Variants in RNF169 observed in about 807,000 individuals in gnomAD.
RNF169 encodes the protein ring finger protein 169.
A neutral mutation model predicts 53.9 loss-of-function variants in RNF169; 24 were observed. That is an observed-to-expected ratio of 0.45 (90% confidence interval 0.32 to 0.63). The LOEUF (loss-of-function observed/expected upper bound fraction) is 0.63. Ranked by LOEUF, RNF169 falls within the 20% of genes least tolerant of loss-of-function variation. The probability of loss-of-function intolerance (pLI) is 0.04; values close to 1 mark genes in which losing one functional copy is unlikely to be tolerated. For synonymous variants in RNF169, 396 were observed against 363.5 expected, an observed-to-expected ratio of 1.09 and a Z score of -1.02; for missense variants, 883 against 906.2, an observed-to-expected ratio of 0.97 and a Z score of 0.33.
At chr11:74,801,301 A>G (rs564689667) in intron 2 of RNF169, among the ~76,000 whole-genome samples, 1 of 152,212 alleles carries the variant, frequency 6.6e-6, no homozygotes, top group Non-Finnish European at 1.5e-5. Flanking sequence ...AGGAGCTAAG[A>G]GTAGTCCTTT....
At chr11:74,820,292 C>A (rs912544264) in intron 4 of RNF169, among the ~76,000 whole-genome samples, 6 of 152,170 alleles carry the variant, frequency 3.9e-5, no homozygotes, top group Non-Finnish European at 8.8e-5. Context: ...GGCTCTCCTT[C>A]AGTCTCATCT....
intron 2 of RNF169, among the ~76,000 whole-genome samples, chr11:74,797,275 GTAAAA>G (rs2035662778): frequency 6.6e-6 from 1 of 152,158 alleles, no homozygotes; most frequent in African/African-American, 2.4e-5. Context: ...GCCTTGAACT[GTAAAA>G]TATTAATATA....
Position 74,749,164 on chromosome 11 carries a change from CCGCCGACGCGG to C in RNF169, c.287_297del (p.Ala96GlyfsTer86). ...CTTTGCCGAGGCTGCGCCCAACGCG[CCGCCGACGCGG>C]CGGGCCCGGGTTGCCCTCGCTGCCG... On this transcript the variant is annotated frameshift_variant, in exon 1 of 6. Transcript: ENST00000299563. LOFTEE classifies it high-confidence loss of function. 1 of 1,246,784 alleles carries C rather than the reference CCGCCGACGCGG, an allele frequency of 8.0e-7. No homozygotes were observed. The highest frequency in any genetic ancestry group is 1.0e-6 in the Non-Finnish European group (1 of 997,356). 77.2% of individuals were successfully genotyped at this position (1,246,784 alleles called of 1,614,324 possible). A position where few individuals can be genotyped will look rare whatever the true frequency, so the allele number is the denominator to read the frequency against.
intron 2 of RNF169, among the ~76,000 whole-genome samples, chr11:74,798,712 G>A (rs999084786): frequency 6.6e-6 from 1 of 151,960 alleles, no homozygotes. Flanking sequence ...TGCGGCTTGG[G>A]CATCACGGAA....
At chr11:74,828,950 G>A (rs1352540138) in intron 4 of RNF169, among the ~76,000 whole-genome samples, 3 of 152,108 alleles carry the variant, frequency 2.0e-5, no homozygotes, top group Admixed American at 6.5e-5. Context: ...ATTTCATGAC[G>A]AAGATGTCAA....
intron 1 of RNF169, 137 bp downstream of exon 1, chr11:74,749,519 T>G: frequency 4.3e-6 from 3 of 690,060 alleles, no homozygotes; most frequent in Non-Finnish European, 5.7e-6. Flanking sequence ...ACCCGGGCTC[T>G]ACCCAGGTGC....
At chr11:74,793,386 A>C (rs2035605947) in intron 2 of RNF169, among the ~76,000 whole-genome samples, 1 of 152,254 alleles carries the variant, frequency 6.6e-6, no homozygotes, top group Admixed American at 6.5e-5. Context: ...GATGTGTGAT[A>C]TGCTACTAAT....
At chr11:74,806,249 A>G (rs1241686905) in intron 2 of RNF169, among the ~76,000 whole-genome samples, 2 of 152,226 alleles carry the variant, frequency 1.3e-5, no homozygotes, top group African/African-American at 2.4e-5. Context: ...TAGCTGTTGT[A>G]CATCTTTAGT....
chr11:74,750,426 A>G (rs1212217229), intron 1 of RNF169, among the ~76,000 whole-genome samples: 1 of 152,072 alleles, frequency 6.6e-6, no homozygotes, highest in Non-Finnish European at 1.5e-5. Context: ...TTGCTTGTGT[A>G]TACAAGTGCA....
intron 1 of RNF169, among the ~76,000 whole-genome samples, chr11:74,780,562 G>A (rs904711874): frequency 9.2e-5 from 14 of 152,116 alleles, no homozygotes; most frequent in African/African-American, 3.1e-4. Context: ...ATTTACTTAT[G>A]TATGCACGCT....
At chr11:74,758,795 C>T (rs546695694) in intron 1 of RNF169, among the ~76,000 whole-genome samples, 61 of 152,266 alleles carry the variant, frequency 4.0e-4, no homozygotes, top group African/African-American at 1.2e-3. Flanking sequence ...TGAGCCACCG[C>T]GCCCGGCCGT....
intron 2 of RNF169, among the ~76,000 whole-genome samples, chr11:74,791,462 G>A (rs1364510836): frequency 1.3e-5 from 2 of 152,320 alleles, no homozygotes; most frequent in East Asian, 3.9e-4. Context: ...CCCGGGCTGT[G>A]CCATGGGGCA....
In RNF169 at chr11:74,796,485, TA is replaced by T. The variant is rs547654717; in HGVS notation, c.576+6792del. On this transcript the variant is annotated intron_variant, in intron 2 of 5. Coordinates refer to ENST00000299563, the MANE Select transcript of RNF169 (RefSeq NM_001098638.2). ...TTGTCTTTTGAAATAGATTTATCTC[TA>T]AAAAATGTTATTTATTGGTTGAATT... Among the ~76,000 whole-genome samples, 10 of 152,358 alleles carry T rather than the reference TA, an allele frequency of 6.6e-5. No homozygotes were observed. In the East Asian group the frequency reaches 1.3e-3, roughly 21 times the overall value.
chr11:74,771,477 G>T (rs561095944), intron 1 of RNF169, among the ~76,000 whole-genome samples: 1 of 152,184 alleles, frequency 6.6e-6, no homozygotes, highest in Admixed American at 6.5e-5. Context: ...GCTGAGGTGG[G>T]ATGATCACTT....
chr11:74,807,634 T>A (rs1313680917), intron 2 of RNF169: 1 of 152,230 alleles, frequency 6.6e-6, no homozygotes, highest in East Asian at 1.9e-4. Flanking sequence ...TTTTTGTCTC[T>A]ATAAAATAGT....
chr11:74,841,773 T>C lies in RNF169; in HGVS notation c.*5043T>C, dbSNP rs1446994486. On this transcript the variant is annotated 3_prime_UTR_variant, in exon 6 of 6. Transcript: ENST00000299563. The stretch of plus-strand genomic sequence containing the variant: ...ACAGGCAATGAACTCGCTCTTCAAA[T>C]ACCATAGTTCAAGAGTAGCTGTTGG... The C allele has an allele frequency of 6.6e-6, 1 of 152,200 alleles. No individual in the cohort carries two copies. Among genetic ancestry groups the C allele is most frequent in the Non-Finnish European group, 1.5e-5 (1 of 68,038 alleles). The allele number at this position is 152,200 out of a possible 1,614,324, so 9.4% of individuals were successfully genotyped here.
At chr11:74,758,816 T>G (rs2035028855) in intron 1 of RNF169, among the ~76,000 whole-genome samples, 1 of 151,930 alleles carries the variant, frequency 6.6e-6, no homozygotes, top group Non-Finnish European at 1.5e-5. Context: ...CCATATGAAC[T>G]TTAAAGTAGT....
chr11:74,833,242 G>A (rs1305441712), intron 4 of RNF169, among the ~76,000 whole-genome samples: 3 of 152,124 alleles, frequency 2.0e-5, no homozygotes, highest in African/African-American at 7.2e-5. Flanking sequence ...AGGCACCTTG[G>A]GAAGGTACCT....
At chr11:74,808,384 G>GC in intron 2 of RNF169, among the ~76,000 whole-genome samples, 1 of 152,200 alleles carries the variant, frequency 6.6e-6, no homozygotes, top group East Asian at 1.9e-4. Flanking sequence ...ATTGGAGGGG[G>GC]CTATCCTGTG....
Sources: allele counts gnomAD v4.1 joint callset (sites outside exome capture counted in the v4.1 genomes callset), GRCh38; gene constraint gnomAD v4.1.1; transcripts MANE v1.5; gene names NCBI Gene and HGNC (gene_info 2026-07-23, HGNC 2026-07-21).